The following PIGL variants were observed in gnomAD, a reference collection of about 807,000 sequenced individuals.
PIGL encodes the protein phosphatidylinositol glycan anchor biosynthesis class L.
In PIGL, 22 loss-of-function variants were observed where a neutral mutation model predicts 31.1. The ratio of observed to expected loss-of-function variants is 0.71; its 90% CI spans 0.51 to 1.01. PIGL has a LOEUF of 1.01. Among genes scored for constraint, PIGL ranks in the 50% least tolerant of loss-of-function variants. The pLI is 0.00. For synonymous variants in PIGL, 131 were observed against 117.4 expected (o/e 1.12, Z -0.75); for missense variants, 302 against 315.9 (o/e 0.96, Z 0.33).
At chr17:16,293,105 ATC>A (rs1038495142) in intron 2 of PIGL, among the ~76,000 whole-genome samples, 3 of 152,208 alleles carry the variant, frequency 2.0e-5, no homozygotes, top group African/African-American at 7.2e-5. Flanking sequence ...TTCTACATTT[ATC>A]TGTTTGAAAT....
intron 3 of PIGL, among the ~76,000 whole-genome samples, chr17:16,307,762 T>C (rs964669400): frequency 6.6e-6 from 1 of 151,380 alleles, no homozygotes; most frequent in Non-Finnish European, 1.5e-5. Context: ...ACCCCAGGAG[T>C]TTGAGACCAG....
chr17:16,316,644 C>A, intron 4 of PIGL, 37 bp from the exon 5 acceptor site: 2 of 1,559,360 alleles, frequency 1.3e-6, no homozygotes, highest in Non-Finnish European at 1.8e-6. Context: ...AGGAAATGAT[C>A]CTTACTCCTC....
chr17:16,286,458 T>C (rs1419452210), intron 2 of PIGL, among the ~76,000 whole-genome samples: 1 of 152,066 alleles, frequency 6.6e-6, no homozygotes, highest in East Asian at 1.9e-4. Context: ...TTTCCATGAC[T>C]CTCCCGACTA....
At chr17:16,224,496 G>A (rs1301129143) in intron 1 of PIGL, among the ~76,000 whole-genome samples, 7 of 151,038 alleles carry the variant, frequency 4.6e-5, no homozygotes, top group African/African-American at 7.3e-5. Context: ...TAGTAGAGAC[G>A]GGATTTTGCC....
At chr17:16,228,438 G>A (rs1349327852) in intron 1 of PIGL, among the ~76,000 whole-genome samples, 1 of 151,990 alleles carries the variant, frequency 6.6e-6, no homozygotes, top group Non-Finnish European at 1.5e-5. Context: ...AGGCTGGAGT[G>A]CAGTGGCGCG....
At chr17:16,242,611 A>G (rs2092727390) in intron 2 of PIGL, among the ~76,000 whole-genome samples, 2 of 119,716 alleles carry the variant, frequency 1.7e-5, no homozygotes, top group Non-Finnish European at 3.6e-5. Context: ...ACAATCTTTC[A>G]TGTTTTCAAC....
chr17:16,258,892 A>G (rs1243985574), intron 2 of PIGL, among the ~76,000 whole-genome samples: 2 of 152,230 alleles, frequency 1.3e-5, no homozygotes, highest in African/African-American at 4.8e-5. Context: ...AACTTTGTAT[A>G]TGAGACAACA....
At chr17:16,279,147 C>T (rs2092907028) in intron 2 of PIGL, among the ~76,000 whole-genome samples, 2 of 152,198 alleles carry the variant, frequency 1.3e-5, no homozygotes, top group Admixed American at 6.5e-5. Flanking sequence ...CTTCAGGGTT[C>T]ACCTGGAAGA....
At chr17:16,303,604 C>T (rs1462134687) in intron 3 of PIGL, among the ~76,000 whole-genome samples, 6 of 151,174 alleles carry the variant, frequency 4.0e-5, no homozygotes, top group African/African-American at 1.5e-4. Flanking sequence ...AGTGGCATGA[C>T]CTCGGCTCAC....
At chr17:16,254,372 G>T (rs182077166) in intron 2 of PIGL, among the ~76,000 whole-genome samples, 1 of 151,846 alleles carries the variant, frequency 6.6e-6, no homozygotes, top group Non-Finnish European at 1.5e-5. Context: ...GGGTTCAAGC[G>T]ATTCTCCTAC....
chr17:16,261,381 C>T (rs1041496040), intron 2 of PIGL, among the ~76,000 whole-genome samples: 10 of 152,034 alleles, frequency 6.6e-5, no homozygotes, highest in Admixed American at 2.6e-4. Flanking sequence ...TTGAATATGA[C>T]ACCAAAACAG....
At chr17:16,257,331 C>T (rs2092798226) in intron 2 of PIGL, among the ~76,000 whole-genome samples, 1 of 152,028 alleles carries the variant, frequency 6.6e-6, no homozygotes, top group Non-Finnish European at 1.5e-5. Flanking sequence ...GCAGGAGAAT[C>T]GCTTGAACCC....
At chr17:16,312,841 G>A (rs1049808527) in intron 3 of PIGL, 1 of 153,066 alleles carries the variant, frequency 6.5e-6, no homozygotes, top group African/African-American at 2.4e-5. Flanking sequence ...GAATCAGGCA[G>A]GGAGGTTGCA....
chr17:16,319,223 C>CAAAAAAA (rs11379081), intron 6 of PIGL, among the ~76,000 whole-genome samples: 10 of 82,918 alleles, frequency 1.2e-4, no homozygotes, highest in Admixed American at 1.8e-4. Flanking sequence ...AGACCCTAGC[C>CAAAAAAA]AAAAAAAAAA....
chr17:16,217,589 T>A, intron 1 of PIGL, 128 bp downstream of exon 1: 1 of 726,602 alleles, frequency 1.4e-6, no homozygotes, highest in South Asian at 1.8e-5. Context: ...AGGTCTTACC[T>A]CTGAACCCCT....
chr17:16,223,345 A>AGGCGC (rs1178394608), intron 1 of PIGL, among the ~76,000 whole-genome samples: 1 of 152,048 alleles, frequency 6.6e-6, no homozygotes, highest in African/African-American at 2.4e-5. Context: ...TTGGGAGGCC[A>AGGCGC]AGGTGGGCAG....
At chr17:16,239,415 G>T (rs552565919) in intron 2 of PIGL, among the ~76,000 whole-genome samples, 3 of 151,800 alleles carry the variant, frequency 2.0e-5, no homozygotes, top group Non-Finnish European at 2.9e-5. Flanking sequence ...CCCAGGAGGC[G>T]GAGGTTGCAG....
chr17:16,302,198 G>A (rs2093007702), intron 3 of PIGL, among the ~76,000 whole-genome samples: 1 of 152,046 alleles, frequency 6.6e-6, no homozygotes, highest in Non-Finnish European at 1.5e-5. Context: ...TCTGCATGTT[G>A]GTTTTATTCC....
chr17:16,299,606 T>A (rs971825568), intron 2 of PIGL, among the ~76,000 whole-genome samples: 2 of 152,238 alleles, frequency 1.3e-5, no homozygotes, highest in Non-Finnish European at 2.9e-5. Context: ...TTTAACACAT[T>A]TGTCTCCCCA....
Sources: gnomAD v4.1 joint callset for allele counts (sites outside exome capture counted in the v4.1 genomes callset) on GRCh38, gnomAD v4.1.1 for gene constraint, MANE v1.5 for transcripts, NCBI Gene and HGNC (gene_info 2026-07-23, HGNC 2026-07-21) for gene names.